The following KIAA1549 variants were observed in gnomAD, a reference collection of about 807,000 sequenced individuals.
KIAA1549 encodes the protein KIAA1549.
KIAA1549 carries 70 observed loss-of-function variants against 156.4 expected under a neutral mutation model. That is an observed-to-expected ratio of 0.45 (90% CI 0.37 to 0.55). The LOEUF (loss-of-function observed/expected upper bound fraction) is 0.55. Among genes scored for constraint, KIAA1549 ranks in the 20% least tolerant of loss-of-function variants. The pLI is 0.00. For synonymous variants in KIAA1549, 1,103 were observed against 1,066.4 expected (o/e 1.03, Z -0.67); for missense variants, 2,428 against 2,540.9 (o/e 0.96, Z 0.96).
intron 7 of KIAA1549, 134 bp from the exon 8 acceptor site, chr7:138,903,870 C>A: frequency 3.0e-6 from 2 of 676,310 alleles, no homozygotes; most frequent in South Asian, 2.1e-5. Context: ...CGCGCGCGCG[C>A]ACATATGTAT....
At chr7:138,980,309 G>A (rs1195737310) in intron 1 of KIAA1549, among the ~76,000 whole-genome samples, 1 of 152,198 alleles carries the variant, frequency 6.6e-6, no homozygotes, top group African/African-American at 2.4e-5. Flanking sequence ...ACATTTTGGA[G>A]AAGCAATAGG....
rs977073340 is a variant in KIAA1549 at position 138,883,789 on chromosome 7, G to A, written c.4033-2205C>T. Among the ~76,000 whole-genome samples the A allele has an allele frequency of 1.1e-4, 16 of 152,154 alleles. No individual in the cohort carries two copies. The East Asian group carries it at 2.1e-3, about 20-fold the overall frequency. ...CTCCATGGAATGCCAAAAGCAAACCGAAGCCTTCCCTCCTGCCCAGGCATA... is the reference window on the plus strand; with the variant it reads ...CTCCATGGAATGCCAAAAGCAAACCAAAGCCTTCCCTCCTGCCCAGGCATA... On this transcript the variant is annotated intron_variant, in intron 10 of 19. Coordinates refer to ENST00000422774, the MANE Select transcript of KIAA1549 (RefSeq NM_001164665.2).
intron 12 of KIAA1549, among the ~76,000 whole-genome samples, chr7:138,875,818 C>T (rs1298747467): frequency 6.6e-6 from 1 of 152,044 alleles, no homozygotes; most frequent in Non-Finnish European, 1.5e-5. Context: ...TCCCCCGAGA[C>T]AGGGTCTCGC....
intron 1 of KIAA1549, among the ~76,000 whole-genome samples, chr7:138,966,023 T>G (rs1006456364): frequency 2.6e-5 from 4 of 152,148 alleles, no homozygotes; most frequent in African/African-American, 9.7e-5. Context: ...ACTGGCCACA[T>G]CATTTGCTGG....
intron 18 of KIAA1549, among the ~76,000 whole-genome samples, chr7:138,842,368 T>C (rs1391540227): frequency 6.6e-6 from 1 of 152,198 alleles, no homozygotes; most frequent in African/African-American, 2.4e-5. Context: ...TGAGCCTTGA[T>C]TCCTCACTTC....
intron 18 of KIAA1549, among the ~76,000 whole-genome samples, chr7:138,842,762 C>A (rs1809961350): frequency 6.6e-6 from 1 of 151,906 alleles, no homozygotes; most frequent in Admixed American, 6.6e-5. Context: ...GATGAAGCAT[C>A]AAACACATAG....
At chr7:138,959,451 G>C (rs1333605357) in intron 1 of KIAA1549, among the ~76,000 whole-genome samples, 2 of 152,146 alleles carry the variant, frequency 1.3e-5, no homozygotes, top group Non-Finnish European at 2.9e-5. Context: ...TGGCAGAGAG[G>C]CCCAACCTGC....
chr7:138,910,777 T>C (rs997082430), intron 4 of KIAA1549, among the ~76,000 whole-genome samples: 1 of 140,338 alleles, frequency 7.1e-6, no homozygotes, highest in Non-Finnish European at 1.5e-5. Flanking sequence ...TGAACTCAAG[T>C]GATCCATCTG....
intron 12 of KIAA1549, among the ~76,000 whole-genome samples, chr7:138,877,065 T>A (rs1328903640): frequency 1.3e-5 from 2 of 152,014 alleles, no homozygotes; most frequent in South Asian, 2.1e-4. Flanking sequence ...CCCGCAGGAG[T>A]GAGAGGGAAC....
chr7:138,864,061 G>A (rs1810664560), intron 15 of KIAA1549, among the ~76,000 whole-genome samples: 1 of 152,180 alleles, frequency 6.6e-6, no homozygotes, highest in Admixed American at 6.5e-5. Flanking sequence ...GTGGAAAGAA[G>A]GGAGGGTGTG....
chr7:138,967,438 G>A (rs1814063606), intron 1 of KIAA1549, among the ~76,000 whole-genome samples: 2 of 152,186 alleles, frequency 1.3e-5, no homozygotes, highest in Non-Finnish European at 2.9e-5. Flanking sequence ...AAAGTTCTAG[G>A]CAGAGGGAAC....
chr7:138,927,655 T>C (rs1216117570), intron 1 of KIAA1549, among the ~76,000 whole-genome samples: 1 of 152,126 alleles, frequency 6.6e-6, no homozygotes, highest in African/African-American at 2.4e-5. Flanking sequence ...AAAAAAAGAA[T>C]GCAATCGCAG....
intron 6 of KIAA1549, 118 bp from the exon 7 acceptor site, chr7:138,905,199 T>C: frequency 1.4e-6 from 1 of 720,238 alleles, no homozygotes; most frequent in Non-Finnish European, 2.4e-6. Context: ...AAGAACAAAA[T>C]GTCAGATTAG....
chr7:138,976,492 G>A (rs998738398), intron 1 of KIAA1549, among the ~76,000 whole-genome samples: 1 of 152,174 alleles, frequency 6.6e-6, no homozygotes, highest in Non-Finnish European at 1.5e-5. Context: ...GATATTTTGA[G>A]ATATTCTGAG....
At chr7:138,951,185 C>T (rs1473076213) in intron 1 of KIAA1549, among the ~76,000 whole-genome samples, 1 of 152,190 alleles carries the variant, frequency 6.6e-6, no homozygotes, top group African/African-American at 2.4e-5. Flanking sequence ...CCTGCCTCAG[C>T]CTCCCAAAGT....
At chr7:138,921,409 A>G (rs1490052882) in intron 1 of KIAA1549, among the ~76,000 whole-genome samples, 1 of 152,222 alleles carries the variant, frequency 6.6e-6, no homozygotes, top group Non-Finnish European at 1.5e-5. Context: ...AGACACTGCT[A>G]TGGCTTATGT....
chr7:138,948,691 T>C (rs1337352712), intron 1 of KIAA1549, among the ~76,000 whole-genome samples: 1 of 125,992 alleles, frequency 7.9e-6, no homozygotes, highest in Admixed American at 7.2e-5. Flanking sequence ...TTTTGTTTTG[T>C]GGCTTTTTTT....
intron 1 of KIAA1549, among the ~76,000 whole-genome samples, chr7:138,950,805 T>C (rs1051582048): frequency 6.6e-6 from 1 of 152,116 alleles, no homozygotes; most frequent in Non-Finnish European, 1.5e-5. Context: ...GGCTGAAACC[T>C]TTCATCAGAT....
At chr7:138,943,787 T>G (rs1288350199) in intron 1 of KIAA1549, among the ~76,000 whole-genome samples, 1 of 151,872 alleles carries the variant, frequency 6.6e-6, no homozygotes, top group African/African-American at 2.4e-5. Context: ...AGGCAGAGCT[T>G]GCAGTGAGCT....
Sources: allele counts gnomAD v4.1 joint callset (sites outside exome capture counted in the v4.1 genomes callset), GRCh38; gene constraint gnomAD v4.1.1; transcripts MANE v1.5; gene names NCBI Gene and HGNC (gene_info 2026-07-23, HGNC 2026-07-21).